ENAM: variants seen among roughly 807,000 people sequenced by gnomAD.
ENAM encodes the protein amelogenesis imperfecta 2, hypocalcification (autosomal dominant).
ENAM carries 21 observed loss-of-function variants against 33.6 expected under a neutral mutation model. The observed-to-expected ratio is 0.63, with a 90% confidence interval of 0.44 to 0.90. The LOEUF is 0.90. ENAM is among the 40% of genes least tolerant of loss of function. The pLI, the probability that ENAM is intolerant of heterozygous loss-of-function variation, is 0.00. For synonymous variants in ENAM, 473 were observed against 468.4 expected (o/e 1.01, Z -0.13); for missense variants, 1,388 against 1,366.9 (o/e 1.02, Z -0.24).
In ENAM at chr4:70,642,126, A is replaced by G. The variant is rs757897710; in HGVS notation, c.700A>G (p.Lys234Glu). ...AAAACCCAAAGAAGAAGATCCTCCT[A>G]AAGCAGAAAGTCCAGGCACAGAACC... ...FEKPKEEDPP[K>E]AESPGTEPTA... Residue 234 changes from lysine (K) to glutamate (E), a missense_variant, in exon 9 of 9, where the codon AAA (lysine) becomes GAA (glutamate). By Grantham distance (56) the Lys-to-Glu change is moderately conservative. Transcript: ENST00000396073. 8.7e-6 allele frequency: 14 copies of G among 1,614,020 alleles called. No individual in the cohort carries two copies. The African/African-American group carries it at 1.2e-4, about 14-fold the overall frequency.
chr4:70,642,466 G>C lies in ENAM; in HGVS notation c.1040G>C (p.Arg347Thr). Residue 347 changes from arginine to threonine, a missense_variant, in exon 9 of 9, where the codon AGG (arginine) becomes ACG (threonine). Physicochemically the swap from Arg to Thr is moderately conservative, Grantham distance 71. Transcript: ENST00000396073. Reference protein sequence around the residue: ...TGTVMGHRQNRPFYRNQQVQR... With the variant: ...TGTVMGHRQNTPFYRNQQVQR... ...ACTGTCATGGGGCACAGACAGAATA[G>C]GCCTTTTTACAGAAATCAACAAGTT... The C allele has an allele frequency of 3.1e-6, 5 of 1,614,058 alleles. No individual in the cohort carries two copies. Among genetic ancestry groups the C allele is most frequent in the Non-Finnish European group, 4.2e-6 (5 of 1,179,988 alleles).
intron 5 of ENAM, among the ~76,000 whole-genome samples, chr4:70,633,868 T>C (rs1255522439): frequency 1.3e-5 from 2 of 152,170 alleles, no homozygotes; most frequent in Non-Finnish European, 2.9e-5. Context: ...CTTTTCCTTT[T>C]TTTCTTGTTT....
At position 70,642,900 on chromosome 4, in the gene ENAM, GA is replaced by G. The variant is rs1374542712; in HGVS notation, c.1478del (p.Asn493ThrfsTer30). The G allele has an allele frequency of 1.9e-6, 3 of 1,613,954 alleles. No individual in the cohort carries two copies. Among genetic ancestry groups the G allele is most frequent in the Non-Finnish European group, 2.5e-6 (3 of 1,180,020 alleles). On this transcript the variant is annotated frameshift_variant, in exon 9 of 9. Coordinates refer to ENST00000396073, the MANE Select transcript of ENAM (RefSeq NM_031889.3). LOFTEE classifies it low-confidence loss of function (END_TRUNC). ...VPNFNSVDQHENSYYPRGDSR... is the reference protein window; with the variant it reads ...VPNFNSVDQHXNSYYPRGDSR... The stretch of plus-strand genomic sequence containing the variant: ...AAATTTTAATTCTGTTGATCAACAT[GA>G]AAACTCCTATTACCCAAGAGGAGAT...
chr4:70,634,456 A>G lies in ENAM; in HGVS notation c.359A>G (p.Gln120Arg), dbSNP rs1298646032. The G allele has an allele frequency of 6.2e-7, 1 of 1,614,036 alleles. No homozygotes were observed. The highest frequency in any genetic ancestry group is 1.3e-5 in the African/African-American group (1 of 74,920). The change falls in exon 6 of 9, where the codon CAA (glutamine) becomes CGA (arginine). Residue 120 changes from glutamine to arginine, a missense_variant. By Grantham distance (43) the Gln-to-Arg change is conservative. Coordinates refer to ENST00000396073, the MANE Select transcript of ENAM (RefSeq NM_031889.3). ...CGTCATAACAAGACTGATCAGACCC[A>G]AGAAACCCAGAAACCCAACCAGACT... is the stretch of plus-strand genomic sequence containing the variant. ...PKRHNKTDQT[Q>R]ETQKPNQTQS...
At chr4:70,640,992 A>T (rs1451276859) in intron 8 of ENAM, among the ~76,000 whole-genome samples, 1 of 152,236 alleles carries the variant, frequency 6.6e-6, no homozygotes, top group East Asian at 1.9e-4. Context: ...AGCCAGTAAG[A>T]AAACTACTGT....
At chr4:70,640,416 C>T (rs1425028152) in intron 8 of ENAM, among the ~76,000 whole-genome samples, 1 of 152,062 alleles carries the variant, frequency 6.6e-6, no homozygotes, top group Non-Finnish European at 1.5e-5. Flanking sequence ...GAAGAAGTTT[C>T]AATATGAATA....
chr4:70,631,641 C>T, intron 2 of ENAM, 29 bp from the exon 3 acceptor site: 1 of 1,539,674 alleles, frequency 6.5e-7, no homozygotes, highest in Non-Finnish European at 9.0e-7. Context: ...TTTCACAGAC[C>T]AAAAATAAAA....
intron 7 of ENAM, chr4:70,637,544 A>G (rs946396364): frequency 1.5e-5 from 8 of 522,996 alleles, no homozygotes; most frequent in Non-Finnish European, 2.4e-5. Context: ...ATGCAGCCAT[A>G]CAGAGTATTT....
At chr4:70,636,323 C>A (rs949417219) in intron 7 of ENAM, among the ~76,000 whole-genome samples, 3 of 152,042 alleles carry the variant, frequency 2.0e-5, no homozygotes, top group Non-Finnish European at 4.4e-5. Flanking sequence ...CTGTTTCTAG[C>A]CACAGATATA....
At position 70,644,397 on chromosome 4, in the gene ENAM, G is replaced by T; in HGVS notation, c.2971G>T (p.Gly991Ter). The T allele has an allele frequency of 6.2e-7, 1 of 1,614,150 alleles. No individual in the cohort carries two copies. The highest frequency in any genetic ancestry group is 8.5e-7 in the Non-Finnish European group (1 of 1,180,020). ...KNTPCLKNDL[G>*]GDGNNILEQV... ...TACACCTTGTCTCAAAAATGATCTT[G>T]GAGGAGATGGGAACAACATTCTGGA... Residue 991 changes from glycine (G) to a stop codon, truncating the protein, a stop_gained, in exon 9 of 9, where the codon GGA becomes TGA. Transcript: ENST00000396073. LOFTEE classifies it low-confidence loss of function (END_TRUNC).
Position 70,635,395 on chromosome 4 carries a change from T to C in ENAM, c.472-437T>C, listed in dbSNP as rs941733769. ...CTGTCTCAAAAAAATAAAAAGAAAA[T>C]ACTGGCTTTTGGTCAGTTAACACTT... On this transcript the variant is annotated intron_variant, in intron 6 of 8. Transcript: ENST00000396073. Among the ~76,000 whole-genome samples, 7 of 151,856 alleles carry C rather than the reference T, an allele frequency of 4.6e-5. No homozygotes were observed. In the East Asian group the frequency reaches 1.4e-3, roughly 29 times the overall value.
chr4:70,642,444 G>A lies in ENAM; in HGVS notation c.1018G>A (p.Val340Ile). The A allele has an allele frequency of 6.2e-7, 1 of 1,614,098 alleles. No homozygotes were observed. The highest frequency in any genetic ancestry group is 8.5e-7 in the Non-Finnish European group (1 of 1,179,984). Residue 340 changes from valine (V) to isoleucine (I), a missense_variant, in exon 9 of 9, where the codon GTC becomes ATC. Transcript: ENST00000396073. ...AAGACAGTGGTATTTCACTGGTACT[G>A]TCATGGGGCACAGACAGAATAGGCC... ...SGRQWYFTGTVMGHRQNRPFY... is the reference protein window; with the variant it reads ...SGRQWYFTGTIMGHRQNRPFY...
intron 8 of ENAM, among the ~76,000 whole-genome samples, chr4:70,639,635 G>T (rs1199416006): frequency 6.6e-6 from 1 of 152,200 alleles, no homozygotes; most frequent in Middle Eastern, 3.4e-3. Context: ...AGGCACAATG[G>T]CTCACACCTG....
intron 8 of ENAM, among the ~76,000 whole-genome samples, 163 bp downstream of exon 8, chr4:70,638,006 G>A (rs981520121): frequency 1.3e-5 from 2 of 152,142 alleles, no homozygotes; most frequent in East Asian, 1.9e-4. Context: ...CAAGCCAGTG[G>A]TCCAAAGATT....
Position 70,628,825 on chromosome 4 carries a change from C to A in ENAM, c.-200C>A, listed in dbSNP as rs1577966585. The A allele has an allele frequency of 1.3e-5, 2 of 152,148 alleles. No individual in the cohort carries two copies. The highest frequency in any genetic ancestry group is 2.9e-5 in the Non-Finnish European group (2 of 67,966). The allele number at this position is 152,148 out of a possible 1,614,324, so 9.4% of individuals were successfully genotyped here. A position where few individuals can be genotyped will look rare whatever the true frequency, so the allele number is the denominator to read the frequency against. Reference sequence around the variant, plus strand: ...TTTTATTATTAAGAAATAAATGTATCTTGCTTCTTGAGATCTCCCTGGCTT... The same window carrying A: ...TTTTATTATTAAGAAATAAATGTATATTGCTTCTTGAGATCTCCCTGGCTT... On this transcript the variant is annotated 5_prime_UTR_variant, in exon 1 of 9. Transcript: ENST00000396073.
chr4:70,644,729 T>C lies in ENAM; in HGVS notation c.3303T>C (p.Thr1101=). The part of the protein sequence containing the change: ...ENPNTLVELA[T]EEQFKSINVD... ...CTAACACATTGGTTGAGTTAGCTACTGAGGAACAATTTAAGAGTATAAATG... is the reference window on the plus strand; with the variant it reads ...CTAACACATTGGTTGAGTTAGCTACCGAGGAACAATTTAAGAGTATAAATG... The change falls in exon 9 of 9, where the codon ACT becomes ACC. Residue 1101 remains threonine, a synonymous_variant. Transcript: ENST00000396073. The C allele has an allele frequency of 6.2e-7, 1 of 1,614,114 alleles. No homozygotes were observed. Among genetic ancestry groups the C allele is most frequent in the Non-Finnish European group, 8.5e-7 (1 of 1,179,966 alleles).
At chr4:70,632,178 G>A (rs151071405) in intron 4 of ENAM, among the ~76,000 whole-genome samples, 1,922 of 152,134 alleles carry the variant, frequency 0.013, 44 homozygotes, top group African/African-American at 0.044. Flanking sequence ...TAGCAAAAGT[G>A]ACCAATTGTA....
At chr4:70,632,843 C>A in intron 5 of ENAM, 151 bp downstream of exon 5, 1 of 685,132 alleles carries the variant, frequency 1.5e-6, no homozygotes, top group Non-Finnish European at 2.7e-6. Context: ...AATTATTGCC[C>A]CTATCCTCTC....
In ENAM at chr4:70,634,235, C is replaced by T. The variant is rs1233687731; in HGVS notation, c.211-73C>T. Reference sequence around the variant, plus strand: ...AAGCTCTTTGGCTGAGTTTTAGAGGCTGACATTAGAGGATGGAGACAGCCT... The same window carrying T: ...AAGCTCTTTGGCTGAGTTTTAGAGGTTGACATTAGAGGATGGAGACAGCCT... On this transcript the variant is annotated intron_variant, in intron 5 of 8. Transcript: ENST00000396073. The T allele has an allele frequency of 4.8e-6, 7 of 1,470,156 alleles. No individual in the cohort carries two copies. In the East Asian group the frequency reaches 6.8e-5, roughly 14 times the overall value. The allele number at this position is 1,470,156 out of a possible 1,614,324, so 91.1% of individuals were successfully genotyped here.
Sources: gnomAD v4.1 joint callset for allele counts (sites outside exome capture counted in the v4.1 genomes callset) on GRCh38, gnomAD v4.1.1 for gene constraint, MANE v1.5 for transcripts, NCBI Gene and HGNC (gene_info 2026-07-23, HGNC 2026-07-21) for gene names.